TMEFF2: variants seen among roughly 807,000 people sequenced by gnomAD.
TMEFF2 encodes the protein transmembrane protein with EGF like and two follistatin like domains 2, also known as tomoregulin-2.
TMEFF2 carries 28 observed loss-of-function variants against 53.8 expected under a neutral mutation model. The ratio of observed to expected loss-of-function variants is 0.52; its 90% CI spans 0.39 to 0.71. The LOEUF (loss-of-function observed/expected upper bound fraction) is 0.71. TMEFF2 is among the 30% of genes least tolerant of loss of function. The pLI, the probability that TMEFF2 is intolerant of heterozygous loss-of-function variation, is 0.00. For missense variants in TMEFF2, 353 were observed against 455.2 expected (o/e 0.78, Z 2.04); for synonymous variants, 162 against 166.3 (o/e 0.97, Z 0.20).
intron 5 of TMEFF2, among the ~76,000 whole-genome samples, chr2:192,047,735 T>G (rs1289930752): frequency 6.6e-6 from 1 of 152,246 alleles, no homozygotes; most frequent in Admixed American, 6.5e-5. Flanking sequence ...ATGTTTTGAT[T>G]GGGTGTTGCA....
Position 192,022,498 on chromosome 2 carries a change from G to C in TMEFF2, c.537-23290C>G, listed in dbSNP as rs1184373340. Among the ~76,000 whole-genome samples, 4 of 152,108 alleles carry C rather than the reference G, an allele frequency of 2.6e-5. No individual in the cohort carries two copies. In the East Asian group the frequency reaches 5.8e-4, roughly 22 times the overall value. ...TTAGCAGCTCTCACAAATGTGTAGGGGCTTATTCTCATGAAACATCCCTAA... is the reference window on the plus strand; with the variant it reads ...TTAGCAGCTCTCACAAATGTGTAGGCGCTTATTCTCATGAAACATCCCTAA... On this transcript the variant is annotated intron_variant, in intron 5 of 9. Transcript: ENST00000272771.
intron 5 of TMEFF2, among the ~76,000 whole-genome samples, chr2:192,009,635 A>C (rs570693145): frequency 6.6e-6 from 1 of 152,098 alleles, no homozygotes; most frequent in Non-Finnish European, 1.5e-5. Flanking sequence ...TTTAATACAT[A>C]TTATACCATG....
chr2:191,950,352 T>C lies in TMEFF2; in HGVS notation c.1084A>G (p.Ser362Gly), dbSNP rs1458280486. ...GACGCTCTTGTTGTATTGTCTGAAC[T>C]GTAGTGCCCTGTATTTTGCTTCTGT... The part of the protein sequence containing the change: ...HRQKQNTGHY[S>G]SDNTTRASTR... The change falls in exon 10 of 10, where the codon AGT (serine) becomes GGT (glycine). Residue 362 changes from serine (S) to glycine (G), a missense_variant. This residue lies in a region of TMEFF2 where 294 missense variants were observed against 397.3 expected (regional missense o/e 0.74). Transcript: ENST00000272771. 6.2e-6 allele frequency: 10 copies of C among 1,613,924 alleles called. No homozygotes were observed. The highest frequency in any genetic ancestry group is 4.4e-5 in the South Asian group (4 of 91,080).
At chr2:192,068,132 T>C (rs1399374451) in intron 4 of TMEFF2, among the ~76,000 whole-genome samples, 5 of 151,936 alleles carry the variant, frequency 3.3e-5, no homozygotes, top group African/African-American at 4.8e-5. Flanking sequence ...ATGAGATGCC[T>C]GCCCTGCTCA....
At chr2:192,178,019 A>G (rs1182977878) in intron 4 of TMEFF2, 1 of 150,968 alleles carries the variant, frequency 6.6e-6, no homozygotes, top group African/African-American at 2.4e-5. Context: ...GTAAATGATG[A>G]TGCTTTAACA....
intron 4 of TMEFF2, among the ~76,000 whole-genome samples, chr2:192,174,869 G>A (rs1426968485): frequency 1.3e-5 from 2 of 151,642 alleles, no homozygotes; most frequent in Non-Finnish European, 3.0e-5. Context: ...GACCATGATA[G>A]TGGAGAAGTG....
intron 7 of TMEFF2, among the ~76,000 whole-genome samples, chr2:191,958,137 C>T (rs4538143): frequency 0.76 from 115,162 of 152,124 alleles, 43,791 homozygotes; most frequent in East Asian, 0.94. Flanking sequence ...GTGCCAGGGC[C>T]GGGGGCTACA....
At chr2:192,165,357 T>C (rs1690738135) in intron 4 of TMEFF2, among the ~76,000 whole-genome samples, 1 of 152,128 alleles carries the variant, frequency 6.6e-6, no homozygotes, top group Non-Finnish European at 1.5e-5. Flanking sequence ...CACCCAGAAA[T>C]GGAGGTGATA....
intron 7 of TMEFF2, among the ~76,000 whole-genome samples, chr2:191,965,442 C>T (rs1692442561): frequency 6.6e-6 from 1 of 152,170 alleles, no homozygotes; most frequent in South Asian, 2.1e-4. Context: ...ACCATGCCTC[C>T]AATTTTGCCC....
intron 4 of TMEFF2, among the ~76,000 whole-genome samples, chr2:192,120,013 T>C (rs745623846): frequency 2.0e-5 from 3 of 152,116 alleles, no homozygotes; most frequent in Admixed American, 6.6e-5. Context: ...AATATTATGA[T>C]AGGAAAAACT....
intron 4 of TMEFF2, among the ~76,000 whole-genome samples, chr2:192,095,144 C>T (rs142897541): frequency 0.016 from 2,398 of 152,224 alleles, 45 homozygotes; most frequent in Non-Finnish European, 0.019. Flanking sequence ...CCACAGCCAG[C>T]TTTCCTTTCT....
At chr2:192,103,018 C>A (rs1254123281) in intron 4 of TMEFF2, among the ~76,000 whole-genome samples, 1 of 151,908 alleles carries the variant, frequency 6.6e-6, no homozygotes, top group Non-Finnish European at 1.5e-5. Flanking sequence ...AACTTTGGGT[C>A]ACTCTGGACA....
Position 191,953,791 on chromosome 2 carries a change from T to C in TMEFF2, c.916A>G (p.Ser306Gly), listed in dbSNP as rs1381231837. The C allele has an allele frequency of 1.2e-6, 2 of 1,613,690 alleles. No homozygotes were observed. Among genetic ancestry groups the C allele is most frequent in the Admixed American group, 1.7e-5 (1 of 59,988 alleles). The change falls in exon 9 of 10, where the codon AGT (serine) becomes GGT (glycine). Residue 306 changes from serine (S) to glycine (G), a missense_variant. This residue lies in a region of TMEFF2 where 294 missense variants were observed against 397.3 expected (regional missense o/e 0.74). Coordinates refer to ENST00000272771, the MANE Select transcript of TMEFF2 (RefSeq NM_016192.4). ...TGQHCEKKDY[S>G]VLYVVPGPVR... ...GGACCGGGAACAACGTATAGAACACTGTAGTCCTTTTTTTCACAGTGTTGT... is the reference window on the plus strand; with the variant it reads ...GGACCGGGAACAACGTATAGAACACCGTAGTCCTTTTTTTCACAGTGTTGT...
At chr2:192,189,764 T>C (rs528053626) in intron 2 of TMEFF2, among the ~76,000 whole-genome samples, 106 of 152,274 alleles carry the variant, frequency 7.0e-4, no homozygotes, top group African/African-American at 2.4e-3. Context: ...TCCTATTTAT[T>C]ATTCTTCATG....
chr2:192,012,031 C>T (rs563706354), intron 5 of TMEFF2, among the ~76,000 whole-genome samples: 14 of 152,080 alleles, frequency 9.2e-5, no homozygotes, highest in Non-Finnish European at 1.6e-4. Flanking sequence ...GGACTATAGG[C>T]GCCCACGACC....
intron 5 of TMEFF2, among the ~76,000 whole-genome samples, chr2:192,025,462 GCA>G (rs1686950926): frequency 6.6e-6 from 1 of 151,502 alleles, no homozygotes; most frequent in Admixed American, 6.6e-5. Flanking sequence ...ATGGAAAACA[GCA>G]CAGTTCAAAT....
chr2:192,027,134 G>A (rs1449312529), intron 5 of TMEFF2, among the ~76,000 whole-genome samples: 1 of 152,098 alleles, frequency 6.6e-6, no homozygotes, highest in Non-Finnish European at 1.5e-5. Context: ...TCATGACAAG[G>A]GGGAATAAAG....
At chr2:192,058,971 TC>T (rs11344454) in intron 4 of TMEFF2, among the ~76,000 whole-genome samples, 19,962 of 152,064 alleles carry the variant, frequency 0.13, 1,663 homozygotes, top group East Asian at 0.37. Context: ...TCTCTTCATT[TC>T]TTTTTTGTTT....
At chr2:192,169,437 A>G (rs1031681904) in intron 4 of TMEFF2, among the ~76,000 whole-genome samples, 5 of 152,126 alleles carry the variant, frequency 3.3e-5, no homozygotes, top group African/African-American at 1.2e-4. Context: ...AAAATGAATG[A>G]TGTGAATGGA....
Sources: allele counts gnomAD v4.1 joint callset (sites outside exome capture counted in the v4.1 genomes callset), GRCh38; gene constraint gnomAD v4.1.1; regional missense constraint gnomAD v4.1.1; transcripts MANE v1.5; gene names NCBI Gene and HGNC (gene_info 2026-07-23, HGNC 2026-07-21).